EZH1: variants seen among roughly 807,000 people sequenced by gnomAD.
EZH1 encodes the protein enhancer of zeste 1 polycomb repressive complex 2 subunit, also known as histone-lysine N-methyltransferase EZH1.
Under a neutral mutation model 100.5 loss-of-function variants are expected in EZH1, and 33 were observed. That is an observed-to-expected ratio of 0.33 (90% CI 0.25 to 0.44). EZH1 has a LOEUF of 0.44. EZH1 is among the 20% of genes least tolerant of loss of function. The probability of loss-of-function intolerance (pLI) is 1.00; values close to 1 mark genes in which losing one functional copy is unlikely to be tolerated. For synonymous variants in EZH1, 272 were observed against 313.8 expected, an observed-to-expected ratio of 0.87 and a Z score of 1.41; for missense variants, 475 against 928.4, an observed-to-expected ratio of 0.51 and a Z score of 6.35.
chr17:42,734,096 G>A (rs1301040943), intron 1 of EZH1, among the ~76,000 whole-genome samples: 2 of 149,652 alleles, frequency 1.3e-5, no homozygotes, highest in African/African-American at 2.5e-5. Context: ...CACCCAAGCT[G>A]GAGTGTAGTG....
intron 1 of EZH1, among the ~76,000 whole-genome samples, chr17:42,739,888 A>C (rs970149346): frequency 3.3e-5 from 5 of 150,772 alleles, no homozygotes; most frequent in Non-Finnish European, 7.4e-5. Flanking sequence ...GGTTCACGCC[A>C]TTCTCCTGCC....
chr17:42,737,462 G>A (rs1248909673), intron 1 of EZH1, among the ~76,000 whole-genome samples: 1 of 152,124 alleles, frequency 6.6e-6, no homozygotes, highest in Non-Finnish European at 1.5e-5. Flanking sequence ...AATTAGTTGG[G>A]CATGGTGGCG....
rs534625805 is a variant in EZH1, at chr17:42,743,907, C to T, written c.-103+1104G>A. On this transcript the variant is annotated intron_variant, in intron 1 of 20. Coordinates refer to ENST00000428826, the MANE Select transcript of EZH1 (RefSeq NM_001991.5). Reference sequence around the variant, plus strand: ...GGTTAGCACCTTCTCAGGCTGGAAACCTCCTTCAATATCAGTTTCCTAAAT... The same window carrying T: ...GGTTAGCACCTTCTCAGGCTGGAAATCTCCTTCAATATCAGTTTCCTAAAT... 1.1e-4 allele frequency among the ~76,000 whole-genome samples: 16 copies of T among 152,262 alleles called. No individual in the cohort carries two copies. In the South Asian group the frequency reaches 3.1e-3, roughly 30 times the overall value.
intron 12 of EZH1, among the ~76,000 whole-genome samples, chr17:42,710,629 G>GTTTT (rs1205688200): frequency 2.9e-5 from 4 of 139,942 alleles, no homozygotes; most frequent in South Asian, 2.2e-4. Flanking sequence ...GTTTTTGTTT[G>GTTTT]TTTTTTTTTT....
chr17:42,725,286 T>C (rs79907125), intron 4 of EZH1, among the ~76,000 whole-genome samples: 1 of 152,100 alleles, frequency 6.6e-6, no homozygotes, highest in African/African-American at 2.4e-5. Context: ...TTTTTTTTTT[T>C]TGAGACAGGA....
Position 42,712,423 on chromosome 17 carries a change from A to T in EZH1, c.1267T>A (p.Cys423Ser), listed in dbSNP as rs750620982. Residue 423 changes from cysteine (C) to serine (S), a missense_variant, in exon 12 of 21, where the codon TGC (cysteine) becomes AGC (serine). This residue lies in a region of EZH1 where 83 missense variants were observed against 142.1 expected (regional missense o/e 0.58). Coordinates refer to ENST00000428826, the MANE Select transcript of EZH1 (RefSeq NM_001991.5). ...QKASPAPPQL[C>S]VVEAPSEPVE... Reference sequence around the variant, plus strand: ...GGCTCCGAGGGTGCTTCCACTACGCAGAGTTGAGGTGGGGCTGGACTAGCC... The same window carrying T: ...GGCTCCGAGGGTGCTTCCACTACGCTGAGTTGAGGTGGGGCTGGACTAGCC... 6.2e-7 allele frequency: 1 copy of T among 1,614,166 alleles called. No homozygotes were observed. Among genetic ancestry groups the T allele is most frequent in the South Asian group, 1.1e-5 (1 of 91,084 alleles).
rs1390188269 is a variant in EZH1 at position 42,706,041 on chromosome 17, C to T, written c.1805G>A (p.Cys602Tyr). Residue 602 changes from cysteine to tyrosine, a missense_variant, in exon 16 of 21, where the codon TGT becomes TAT. Coordinates refer to ENST00000428826, the MANE Select transcript of EZH1 (RefSeq NM_001991.5). The surrounding 1 kb of genome is among the most constrained non-coding windows in gnomAD (Gnocchi z 4.4). ...SEHWDCKVVS[C>Y]KNCSIQRGLK... is the part of the protein sequence containing the mutation. The stretch of plus-strand genomic sequence containing the variant: ...TCCACGCTGGATGCTGCAGTTTTTA[C>T]AGGAAACCACCTTGCAGTCCCAGTG... 6.2e-7 allele frequency: 1 copy of T among 1,613,762 alleles called. No individual in the cohort carries two copies. Among genetic ancestry groups the T allele is most frequent in the Admixed American group, 1.7e-5 (1 of 59,980 alleles).
At chr17:42,702,630 A>T (rs2053266573) in intron 20 of EZH1, 38 bp from the exon 21 acceptor site, 3 of 1,538,190 alleles carry the variant, frequency 2.0e-6, no homozygotes, top group Non-Finnish European at 2.7e-6. Context: ...GGTTACTCTC[A>T]TGACTTTTGT....
intron 10 of EZH1, among the ~76,000 whole-genome samples, chr17:42,717,048 C>T (rs1443548724): frequency 1.3e-5 from 2 of 152,136 alleles, no homozygotes; most frequent in African/African-American, 4.8e-5. Flanking sequence ...TAGACCCTGA[C>T]TTGAATTTCA....
chr17:42,718,101 C>A lies in EZH1; in HGVS notation c.932-34G>T. On this transcript the variant is annotated intron_variant, in intron 9 of 20. Coordinates refer to ENST00000428826, the MANE Select transcript of EZH1 (RefSeq NM_001991.5). This position sits in a 1 kb window ranked among gnomAD's most constrained non-coding sequence, Gnocchi z 4.2. ...CAAAAACTGTCTTGTTGCCAGTGGT[C>A]TATCCACTTGACAAGATGGGGAGAA... 1 of 1,566,044 alleles carries A rather than the reference C, an allele frequency of 6.4e-7. No homozygotes were observed. Among genetic ancestry groups the A allele is most frequent in the South Asian group, 1.1e-5 (1 of 89,810 alleles).
chr17:42,721,242 A>G (rs1301792863), intron 6 of EZH1, among the ~76,000 whole-genome samples: 2 of 152,208 alleles, frequency 1.3e-5, no homozygotes, highest in Non-Finnish European at 2.9e-5. Context: ...GCATCACAAC[A>G]GTGCCCACAA....
At chr17:42,717,746 G>C (rs1299535403) in intron 10 of EZH1, among the ~76,000 whole-genome samples, 2 of 152,172 alleles carry the variant, frequency 1.3e-5, no homozygotes, top group African/African-American at 4.8e-5. Context: ...GATATTTAGA[G>C]CAGGCAAGCC....
At chr17:42,720,142 T>A in intron 7 of EZH1, 131 bp downstream of exon 7, 1 of 859,524 alleles carries the variant, frequency 1.2e-6, no homozygotes. Flanking sequence ...CACTTAATGA[T>A]CATGTTCTCC....
At position 42,730,791 on chromosome 17, in the gene EZH1, C is replaced by T. The variant is rs536258080; in HGVS notation, c.-12+37G>A. 1,027 of 956,500 alleles carry T rather than the reference C, an allele frequency of 1.1e-3. 8 individuals are homozygous for T. The African/African-American group carries it at 0.016, about 15-fold the overall frequency. 59.3% of individuals were successfully genotyped at this position (956,500 alleles called of 1,614,324 possible). A position where few individuals can be genotyped will look rare whatever the true frequency, so the allele number is the denominator to read the frequency against. On this transcript the variant is annotated intron_variant, in intron 2 of 20. Transcript: ENST00000428826. ...GATTACAGGCGTGAGCCACCGCGCC[C>T]GGCCAAGAAGTATGTATTCTAATAT...
chr17:42,708,116 G>T, intron 14 of EZH1, 33 bp from the exon 15 acceptor site: 1 of 1,564,862 alleles, frequency 6.4e-7, no homozygotes, highest in South Asian at 1.2e-5. Context: ...ATGCTGCTGT[G>T]ACCATACTCT....
intron 1 of EZH1, among the ~76,000 whole-genome samples, chr17:42,738,351 T>A (rs1375478370): frequency 6.6e-6 from 1 of 152,036 alleles, no homozygotes; most frequent in East Asian, 1.9e-4. Flanking sequence ...TTCTCTTGAA[T>A]AATAATTTTA....
intron 11 of EZH1, among the ~76,000 whole-genome samples, chr17:42,713,006 C>T (rs563789265): frequency 1.8e-3 from 245 of 134,698 alleles, no homozygotes; most frequent in African/African-American, 6.6e-3. Flanking sequence ...CCACTGCACT[C>T]CAGCCTGGGC....
chr17:42,731,699 G>A (rs2143848687), intron 1 of EZH1: 1 of 151,258 alleles, frequency 6.6e-6, no homozygotes, highest in Admixed American at 6.6e-5. Context: ...AGACCAGCCT[G>A]GTCAACATGG....
chr17:42,742,586 C>T (rs938150173), intron 1 of EZH1, among the ~76,000 whole-genome samples: 32 of 152,280 alleles, frequency 2.1e-4, no homozygotes, highest in Admixed American at 1.7e-3. Flanking sequence ...TACTAGCATC[C>T]GGATCACCTG....
Sources: gnomAD v4.1 joint callset for allele counts (sites outside exome capture counted in the v4.1 genomes callset) on GRCh38, gnomAD v4.1.1 for gene constraint, gnomAD v4.1.1 regional missense constraint, Gnocchi (gnomAD v3.1) non-coding constraint, MANE v1.5 for transcripts, NCBI Gene and HGNC (gene_info 2026-07-23, HGNC 2026-07-21) for gene names.